MBOAT2: variants seen among roughly 807,000 people sequenced by gnomAD.
MBOAT2 encodes membrane-bound glycerophospholipid O-acyltransferase 2.
MBOAT2 carries 28 observed loss-of-function variants against 63.4 expected under a neutral mutation model. That is an observed-to-expected ratio of 0.44 (90% CI 0.33 to 0.61). The LOEUF is 0.61. Ranked by LOEUF, MBOAT2 falls within the 20% of genes least tolerant of loss-of-function variation. MBOAT2 has a pLI of 0.03. For synonymous variants in MBOAT2, 211 were observed against 215.6 expected (o/e 0.98, Z 0.19); for missense variants, 470 against 605.8 (o/e 0.78, Z 2.35).
rs1661579171 is a variant in MBOAT2 at position 8,862,676 on chromosome 2, T to C, written c.1099A>G (p.Ile367Val). The change falls in exon 11 of 13, where the codon ATT becomes GTT. Residue 367 changes from isoleucine to valine, a missense_variant. Around this residue, in one of 3 missense-constraint regions of MBOAT2, gnomAD observed 376 missense variants for 503.8 expected, o/e 0.75. Transcript: ENST00000305997. This position sits in a 1 kb window ranked among gnomAD's most constrained non-coding sequence, Gnocchi z 4.3. Reference protein sequence around the residue: ...TSFSPTIQTFILSAIWHGVYP... With the variant: ...TSFSPTIQTFVLSAIWHGVYP... Reference sequence around the variant, plus strand: ...ACCCCGTGCCAAATGGCAGAGAGAATGAACGTCTGGATAGTTGGACTGAAG... The same window carrying C: ...ACCCCGTGCCAAATGGCAGAGAGAACGAACGTCTGGATAGTTGGACTGAAG... The C allele has an allele frequency of 6.2e-7, 1 of 1,614,052 alleles. No individual in the cohort carries two copies. The highest frequency in any genetic ancestry group is 1.3e-5 in the African/African-American group (1 of 74,924).
intron 1 of MBOAT2, among the ~76,000 whole-genome samples, chr2:8,965,234 G>T (rs1669901923): frequency 6.6e-6 from 1 of 152,124 alleles, no homozygotes; most frequent in Admixed American, 6.6e-5. Flanking sequence ...TCCACTTACG[G>T]CATTAAAACA....
chr2:8,935,297 TAA>T (rs201947976), intron 3 of MBOAT2, among the ~76,000 whole-genome samples: 3,065 of 152,288 alleles, frequency 0.02, 34 homozygotes, highest in Middle Eastern at 0.037. Context: ...AAAAAAATGT[TAA>T]AAAGAGTCAA....
intron 2 of MBOAT2, 71 bp downstream of exon 2, chr2:8,958,426 C>T: frequency 7.2e-7 from 1 of 1,387,320 alleles, no homozygotes. Context: ...CATAATGTAT[C>T]TTTCCACACA....
At chr2:8,871,336 T>G (rs573975314) in intron 8 of MBOAT2, among the ~76,000 whole-genome samples, 1 of 152,114 alleles carries the variant, frequency 6.6e-6, no homozygotes, top group Non-Finnish European at 1.5e-5. Flanking sequence ...TTTACAGAGA[T>G]CTTGTGATTT....
At chr2:8,896,310 G>A (rs1371855122) in intron 4 of MBOAT2, among the ~76,000 whole-genome samples, 6 of 151,538 alleles carry the variant, frequency 4.0e-5, no homozygotes, top group Admixed American at 1.3e-4. Context: ...CGTAAAGGCC[G>A]GGTGGCATCT....
intron 1 of MBOAT2, among the ~76,000 whole-genome samples, chr2:8,966,560 A>T (rs1268523044): frequency 6.6e-6 from 1 of 152,182 alleles, no homozygotes; most frequent in Non-Finnish European, 1.5e-5. Flanking sequence ...CTACGTTTGG[A>T]AAACAAGAGT....
chr2:8,896,653 T>C (rs891539079), intron 4 of MBOAT2, among the ~76,000 whole-genome samples: 6 of 152,242 alleles, frequency 3.9e-5, no homozygotes, highest in African/African-American at 1.4e-4. Context: ...TAACTTAAAA[T>C]TGGTATAGAC....
rs142613227 is a variant in MBOAT2 at position 8,981,916 on chromosome 2, T to C, written c.75+21624A>G. ...CTTTTTTATTTAATAAAAAGACATA[T>C]GAAACATTGGAAAGAGCACACAAAA... On this transcript the variant is annotated intron_variant, in intron 1 of 12. Transcript: ENST00000305997. 3.9e-5 allele frequency among the ~76,000 whole-genome samples: 6 copies of C among 152,244 alleles called. No individual in the cohort carries two copies. The East Asian group carries it at 1.2e-3, about 29-fold the overall frequency.
chr2:8,878,426 C>T (rs774212895), intron 6 of MBOAT2, among the ~76,000 whole-genome samples: 6 of 152,232 alleles, frequency 3.9e-5, no homozygotes, highest in Non-Finnish European at 8.8e-5. Flanking sequence ...GAACATGTTA[C>T]AGTCCATGCT....
At chr2:8,977,407 C>T (rs1558676811) in intron 1 of MBOAT2, among the ~76,000 whole-genome samples, 2 of 152,074 alleles carry the variant, frequency 1.3e-5, no homozygotes, top group African/African-American at 2.4e-5. Flanking sequence ...ATTTCTTCCC[C>T]ATTCATCCTT....
At chr2:8,938,523 G>A (rs753839935) in intron 3 of MBOAT2, among the ~76,000 whole-genome samples, 18 of 150,356 alleles carry the variant, frequency 1.2e-4, no homozygotes, top group Non-Finnish European at 2.5e-4. Context: ...ATGCTGCCAC[G>A]TTTCATGCCG....
intron 3 of MBOAT2, among the ~76,000 whole-genome samples, chr2:8,916,343 T>C (rs77721133): frequency 0.015 from 2,316 of 152,338 alleles, 34 homozygotes; most frequent in Non-Finnish European, 0.023. Context: ...TTATTACTAA[T>C]ATCAAAATAA....
In MBOAT2 at chr2:9,003,675, C is replaced by G. The variant is rs1573306108; in HGVS notation, c.-61G>C. The G allele has an allele frequency of 1.9e-6, 2 of 1,050,780 alleles. No homozygotes were observed. Among genetic ancestry groups the G allele is most frequent in the Admixed American group, 5.1e-5 (1 of 19,452 alleles). The allele number at this position is 1,050,780 out of a possible 1,614,324, so 65.1% of individuals were successfully genotyped here. On this transcript the variant is annotated 5_prime_UTR_variant, in exon 1 of 13. Transcript: ENST00000305997. The surrounding 1 kb of genome is among the most constrained non-coding windows in gnomAD (Gnocchi z 5.4). ...CGCCCGCTCGCGCTGTGCCGGGCGA[C>G]GACGAGGATGGGGATGCAGCGGCGC...
At chr2:8,954,689 T>C (rs994209921) in intron 2 of MBOAT2, among the ~76,000 whole-genome samples, 2 of 152,126 alleles carry the variant, frequency 1.3e-5, no homozygotes, top group Non-Finnish European at 2.9e-5. Context: ...CCAGGAAGAC[T>C]GGGGTGGCTC....
intron 3 of MBOAT2, among the ~76,000 whole-genome samples, chr2:8,913,631 C>A (rs555901629): frequency 9.2e-5 from 14 of 152,202 alleles, no homozygotes; most frequent in African/African-American, 3.1e-4. Flanking sequence ...CAATGTGATA[C>A]CACCTTACTC....
Position 8,858,091 on chromosome 2 carries a change from T to C in MBOAT2, c.*588A>G, listed in dbSNP as rs890569366. ...CTGTTTACAGTTTCACTATGGATTGTAGTCATTTGACATACTTTAAGAAAA... is the reference window on the plus strand; with the variant it reads ...CTGTTTACAGTTTCACTATGGATTGCAGTCATTTGACATACTTTAAGAAAA... On this transcript the variant is annotated 3_prime_UTR_variant, in exon 13 of 13. Transcript: ENST00000305997. 3.3e-5 allele frequency: 5 copies of C among 152,714 alleles called. No individual in the cohort carries two copies. Among genetic ancestry groups the C allele is most frequent in the South Asian group, 2.1e-4 (1 of 4,840 alleles). The allele number at this position is 152,714 out of a possible 1,614,324, so 9.5% of individuals were successfully genotyped here.
chr2:8,882,368 G>T, intron 6 of MBOAT2, 143 bp downstream of exon 6: 1 of 775,930 alleles, frequency 1.3e-6, no homozygotes. Flanking sequence ...GCTTTGGCAG[G>T]AGGGAAGTGC....
intron 3 of MBOAT2, among the ~76,000 whole-genome samples, chr2:8,911,546 A>C (rs1665707624): frequency 6.6e-6 from 1 of 152,134 alleles, no homozygotes; most frequent in Non-Finnish European, 1.5e-5. Context: ...GTGGGGCCTA[A>C]TGGGAGGTGT....
chr2:8,870,976 TA>T (rs1421084963), intron 8 of MBOAT2, among the ~76,000 whole-genome samples: 1 of 151,996 alleles, frequency 6.6e-6, no homozygotes, highest in Non-Finnish European at 1.5e-5. Context: ...TAATTGCAAA[TA>T]AAAAATTAAT....
Sources: gnomAD v4.1 joint callset for allele counts (sites outside exome capture counted in the v4.1 genomes callset) on GRCh38, gnomAD v4.1.1 for gene constraint, gnomAD v4.1.1 regional missense constraint, Gnocchi (gnomAD v3.1) non-coding constraint, MANE v1.5 for transcripts, NCBI Gene and HGNC (gene_info 2026-07-23, HGNC 2026-07-21) for gene names.